Variants in FOCAD observed in about 807,000 individuals in gnomAD.
The protein encoded by FOCAD is KIAA1797.
In FOCAD, 198 loss-of-function variants were observed where a neutral mutation model predicts 225.6. The ratio of observed to expected loss-of-function variants is 0.88; its 90% CI spans 0.78 to 0.99. The LOEUF (loss-of-function observed/expected upper bound fraction) is 0.99. FOCAD is among the 50% of genes least tolerant of loss of function. The pLI, the probability that FOCAD is intolerant of heterozygous loss-of-function variation, is 0.00. For synonymous variants in FOCAD, 897 were observed against 755.0 expected, an observed-to-expected ratio of 1.19 and a Z score of -3.08; for missense variants, 2,713 against 2,123.6, an observed-to-expected ratio of 1.28 and a Z score of -5.46.
At chr9:20,673,409 T>C (rs889095770) in intron 2 of FOCAD, among the ~76,000 whole-genome samples, 1 of 152,180 alleles carries the variant, frequency 6.6e-6, no homozygotes, top group African/African-American at 2.4e-5. Context: ...GGGTTCTAAT[T>C]TCTCTGCATC....
intron 33 of FOCAD, 119 bp downstream of exon 33, chr9:20,949,794 GC>G: frequency 1.2e-6 from 1 of 848,500 alleles, no homozygotes; most frequent in South Asian, 1.6e-5. Context: ...GGTTATTCCC[GC>G]TGAGTTCAAG....
chr9:20,926,424 G>T lies in FOCAD; in HGVS notation c.3078+7G>T. On this transcript the variant is annotated splice_region_variant and intron_variant, in intron 26 of 43. Transcript: ENST00000338382. Reference sequence around the variant, plus strand: ...TCTCTCCTGGTTTTATTATGTAAGTGCAAAAAATAAAAAATGATCAGAAAA... The same window carrying T: ...TCTCTCCTGGTTTTATTATGTAAGTTCAAAAAATAAAAAATGATCAGAAAA... The T allele has an allele frequency of 6.6e-7, 1 of 1,507,756 alleles. No individual in the cohort carries two copies. 93.4% of individuals were successfully genotyped at this position (1,507,756 alleles called of 1,614,324 possible). A position where few individuals can be genotyped will look rare whatever the true frequency, so the allele number is the denominator to read the frequency against.
At chr9:20,885,981 AAAT>A (rs1396586640) in intron 21 of FOCAD, among the ~76,000 whole-genome samples, 1 of 152,228 alleles carries the variant, frequency 6.6e-6, no homozygotes, top group East Asian at 1.9e-4. Flanking sequence ...CTTGATGTAA[AAAT>A]AATTAGCATT....
chr9:20,981,276 G>A (rs1340131637), intron 37 of FOCAD, 150 bp from the exon 38 acceptor site: 6 of 895,384 alleles, frequency 6.7e-6, no homozygotes, highest in East Asian at 2.5e-5. Context: ...CCATTGGACC[G>A]TGAAGCTGTG....
intron 11 of FOCAD, among the ~76,000 whole-genome samples, chr9:20,807,942 T>C (rs1440013052): frequency 4.6e-5 from 7 of 152,030 alleles, no homozygotes; most frequent in Admixed American, 3.9e-4. Flanking sequence ...TTCCAGCTAC[T>C]TGTGAGGCTG....
intron 1 of FOCAD, among the ~76,000 whole-genome samples, chr9:20,698,396 A>G (rs1042612089): frequency 6.6e-6 from 1 of 151,896 alleles, no homozygotes; most frequent in African/African-American, 2.4e-5. Flanking sequence ...ACACACATAT[A>G]TGTGTATTTA....
chr9:20,794,283 T>C (rs1247748243), intron 11 of FOCAD, among the ~76,000 whole-genome samples: 2 of 152,094 alleles, frequency 1.3e-5, no homozygotes, highest in East Asian at 1.9e-4. Flanking sequence ...TGTATAAAAA[T>C]CCTACCAAGA....
At chr9:20,971,481 T>A (rs1159340697) in intron 35 of FOCAD, among the ~76,000 whole-genome samples, 1 of 152,014 alleles carries the variant, frequency 6.6e-6, no homozygotes, top group Non-Finnish European at 1.5e-5. Flanking sequence ...CTCCTGTTGC[T>A]TAGGCTGGAG....
At chr9:20,979,786 G>C (rs1279421899) in intron 37 of FOCAD, among the ~76,000 whole-genome samples, 1 of 152,154 alleles carries the variant, frequency 6.6e-6, no homozygotes, top group Non-Finnish European at 1.5e-5. Context: ...CACTTACTGA[G>C]CCCTTGCTGT....
chr9:20,952,738 AT>A (rs935000605), intron 34 of FOCAD, among the ~76,000 whole-genome samples: 11 of 151,618 alleles, frequency 7.3e-5, no homozygotes, highest in African/African-American at 2.7e-4. Context: ...ATCCTCCGTA[AT>A]TTTTTTTCCA....
Position 20,871,179 on chromosome 9 carries a change from A to C in FOCAD, c.2191-3502A>C, listed in dbSNP as rs141023748. 2.3e-3 allele frequency among the ~76,000 whole-genome samples: 351 copies of C among 152,088 alleles called. 10 individuals carry two copies. In the East Asian group the frequency reaches 0.044, roughly 19 times the overall value. Reference sequence around the variant, plus strand: ...AGAGCATGCCACTACACTCCAGCCCAGGCAACAGAGCAAGACTCTGTCTCA... The same window carrying C: ...AGAGCATGCCACTACACTCCAGCCCCGGCAACAGAGCAAGACTCTGTCTCA... On this transcript the variant is annotated intron_variant, in intron 18 of 43. Coordinates refer to ENST00000338382, the MANE Select transcript of FOCAD (RefSeq NM_001375567.1).
At chr9:20,865,444 A>G (rs540761153) in intron 16 of FOCAD, among the ~76,000 whole-genome samples, 1 of 152,040 alleles carries the variant, frequency 6.6e-6, no homozygotes, top group Non-Finnish European at 1.5e-5. Context: ...TTTATTACAC[A>G]TTTGTCATCT....
At chr9:20,926,205 T>C (rs1834928614) in intron 25 of FOCAD, 96 bp from the exon 26 acceptor site, 1 of 740,888 alleles carries the variant, frequency 1.3e-6, no homozygotes, top group Non-Finnish European at 2.3e-6. Flanking sequence ...AACAGCACTT[T>C]ATTGTTTAAT....
chr9:20,951,074 T>G lies in FOCAD; in HGVS notation c.4027T>G (p.Ser1343Ala). 6.2e-7 allele frequency: 1 copy of G among 1,613,432 alleles called. No individual in the cohort carries two copies. Among genetic ancestry groups the G allele is most frequent in the Non-Finnish European group, 8.5e-7 (1 of 1,179,452 alleles). ...TGGACATCTTCATCTATCTACTCTA[T>G]CCTCAAGTCAAAGTAGAGCCTCTGG... is the stretch of plus-strand genomic sequence containing the variant. ...LLGHLHLSTL[S>A]SSQSRASVPT... Residue 1343 changes from serine to alanine, a missense_variant, in exon 34 of 44, where the codon TCC (serine) becomes GCC (alanine). By Grantham distance (99) the Ser-to-Ala change is moderately conservative. Coordinates refer to ENST00000338382, the MANE Select transcript of FOCAD (RefSeq NM_001375567.1).
At chr9:20,909,162 A>G (rs1833228239) in intron 22 of FOCAD, among the ~76,000 whole-genome samples, 1 of 152,134 alleles carries the variant, frequency 6.6e-6, no homozygotes, top group Non-Finnish European at 1.5e-5. Flanking sequence ...GAATTTTTAA[A>G]TAAGAGCTAT....
At chr9:20,946,077 A>T (rs1416972740) in intron 29 of FOCAD, among the ~76,000 whole-genome samples, 3 of 95,816 alleles carry the variant, frequency 3.1e-5, no homozygotes, top group African/African-American at 4.3e-5. Flanking sequence ...CCCATATTTT[A>T]TTTATTCATT....
At chr9:20,908,048 C>A (rs1833130975) in intron 22 of FOCAD, among the ~76,000 whole-genome samples, 1 of 151,952 alleles carries the variant, frequency 6.6e-6, no homozygotes, top group Non-Finnish European at 1.5e-5. Flanking sequence ...TTTATTTGAT[C>A]CAATAATATT....
intron 18 of FOCAD, chr9:20,873,943 A>G (rs1830011672): frequency 6.6e-6 from 1 of 152,166 alleles, no homozygotes; most frequent in Non-Finnish European, 1.5e-5. Flanking sequence ...GGACATTATG[A>G]TAGAGTGTCA....
chr9:20,947,586 T>G (rs2132345037), intron 30 of FOCAD, among the ~76,000 whole-genome samples: 1 of 152,234 alleles, frequency 6.6e-6, no homozygotes, highest in East Asian at 1.9e-4. Context: ...ATTGATTGCA[T>G]AGCAGTATGA....
Sources: allele counts gnomAD v4.1 joint callset (sites outside exome capture counted in the v4.1 genomes callset), GRCh38; gene constraint gnomAD v4.1.1; transcripts MANE v1.5; gene names NCBI Gene and HGNC (gene_info 2026-07-23, HGNC 2026-07-21).